The following MAZ variants were observed in gnomAD, a reference collection of about 807,000 sequenced individuals.
The protein encoded by MAZ is MYC associated zinc finger protein, also known as myc-associated zinc finger protein.
A neutral mutation model predicts 32.7 loss-of-function variants in MAZ; 4 were observed. The observed-to-expected ratio is 0.12, with a 90% CI of 0.06 to 0.28. The LOEUF (loss-of-function observed/expected upper bound fraction) is 0.28. MAZ is among the 10% of genes least tolerant of loss of function. The pLI is 1.00. For synonymous variants in MAZ, 510 were observed against 297.6 expected (o/e 1.71, Z -7.35); for missense variants, 763 against 667.2 (o/e 1.14, Z -1.58).
chr16:29,810,344 C>G lies in MAZ; in HGVS notation c.*113C>G. On this transcript the variant is annotated 3_prime_UTR_variant, in exon 5 of 5. Transcript: ENST00000322945. ...TATTTCCCTACCAACCAAGGAGCCT[C>G]CAGAAGGAAAGGAGGAAGAAATGTT... 3 of 1,105,364 alleles carry G rather than the reference C, an allele frequency of 2.7e-6. No homozygotes were observed. The highest frequency in any genetic ancestry group is 4.0e-6 in the Non-Finnish European group (3 of 748,832). 68.5% of individuals were successfully genotyped at this position (1,105,364 alleles called of 1,614,324 possible). A position where few individuals can be genotyped will look rare whatever the true frequency, so the allele number is the denominator to read the frequency against.
At position 29,807,218 on chromosome 16, in the gene MAZ, G is replaced by A. The variant is rs1899553951; in HGVS notation, c.433G>A (p.Ala145Thr). ...PPPPPVSAPA[A>T]EAAPPASAAT... ...ACCCCCGCCAGTGTCGGCGCCCGCG[G>A]CCGAGGCCGCGCCCCCCGCCTCCGC... is the stretch of plus-strand genomic sequence containing the variant. Residue 145 changes from alanine to threonine, a missense_variant, in exon 2 of 5, where the codon GCC becomes ACC. Ala to Thr is a moderately conservative substitution (Grantham distance 58). Coordinates refer to ENST00000322945, the MANE Select transcript of MAZ (RefSeq NM_002383.4). 12 of 1,278,076 alleles carry A rather than the reference G, an allele frequency of 9.4e-6. No homozygotes were observed. The highest frequency in any genetic ancestry group is 1.2e-5 in the Non-Finnish European group (12 of 1,010,310). The allele number at this position is 1,278,076 out of a possible 1,614,324, so 79.2% of individuals were successfully genotyped here.
In MAZ at chr16:29,807,353, T is replaced by C; in HGVS notation, c.568T>C (p.Tyr190His). 1.9e-6 allele frequency: 3 copies of C among 1,612,080 alleles called. No homozygotes were observed. The highest frequency in any genetic ancestry group is 2.5e-6 in the Non-Finnish European group (3 of 1,179,578). Residue 190 changes from tyrosine (Y) to histidine (H), a missense_variant, in exon 2 of 5, where the codon TAC becomes CAC. Physicochemically the swap from Tyr to His is moderately conservative, Grantham distance 83 (BLOSUM62 2). Coordinates refer to ENST00000322945, the MANE Select transcript of MAZ (RefSeq NM_002383.4). ...LEKKTKSKGP[Y>H]ICALCAKEFK... The stretch of plus-strand genomic sequence containing the variant: ...GAAGAAGACAAAGAGCAAGGGGCCC[T>C]ACATCTGCGCTCTGTGCGCCAAGGA...
rs1417191711 is a variant in MAZ at position 29,806,652 on chromosome 16, C to T, written c.-50C>T. 2 of 987,600 alleles carry T rather than the reference C, an allele frequency of 2.0e-6. No homozygotes were observed. Among genetic ancestry groups the T allele is most frequent in the Non-Finnish European group, 2.4e-6 (2 of 829,130 alleles). The allele number at this position is 987,600 out of a possible 1,614,324, so 61.2% of individuals were successfully genotyped here. ...CCCCGAGCCCGGGCCCCGCGCGGCC[C>T]GCGCCCCCGGCCCCCGCTGAGCCCC... On this transcript the variant is annotated 5_prime_UTR_variant, in exon 1 of 5. Coordinates refer to ENST00000322945, the MANE Select transcript of MAZ (RefSeq NM_002383.4).
In MAZ at chr16:29,807,275, G is replaced by A; in HGVS notation, c.490G>A (p.Val164Ile). The change falls in exon 2 of 5, where the codon GTC (valine) becomes ATC (isoleucine). Residue 164 changes from valine to isoleucine, a missense_variant. Val to Ile is a conservative substitution (Grantham distance 29). Transcript: ENST00000322945. ...TATCGCCGCGGCGGCGGCCACCGCC[G>A]TCGTAGCCCCAACCTCGACGGTCGC... ...ATIAAAAATA[V>I]VAPTSTVAVA... 2.0e-6 allele frequency: 3 copies of A among 1,497,220 alleles called. No individual in the cohort carries two copies. The highest frequency in any genetic ancestry group is 1.8e-6 in the Non-Finnish European group (2 of 1,125,682). The allele number at this position is 1,497,220 out of a possible 1,614,324, so 92.7% of individuals were successfully genotyped here. A position where few individuals can be genotyped will look rare whatever the true frequency, so the allele number is the denominator to read the frequency against.
rs775208356 is a variant in MAZ at position 29,808,639 on chromosome 16, C to T, written c.1177C>T (p.Pro393Ser). 6 of 1,613,680 alleles carry T rather than the reference C, an allele frequency of 3.7e-6. No individual in the cohort carries two copies. The highest frequency in any genetic ancestry group is 5.1e-6 in the Non-Finnish European group (6 of 1,179,982). The change falls in exon 4 of 5, where the codon CCA becomes TCA. Residue 393 changes from proline (P) to serine (S), a missense_variant. Physicochemically the swap from Pro to Ser is moderately conservative, Grantham distance 74. Transcript: ENST00000322945. ...AHTVRHEEKV[P>S]CHVCGKMLSS... ...CACAGTACGACACGAGGAGAAAGTGCCATGTCACGTGTGTGGCAAGATGCT... is the reference window on the plus strand; with the variant it reads ...CACAGTACGACACGAGGAGAAAGTGTCATGTCACGTGTGTGGCAAGATGCT...
chr16:29,809,595 G>A, intron 4 of MAZ: 1 of 1,612,386 alleles, frequency 6.2e-7, no homozygotes, highest in South Asian at 1.1e-5. Context: ...ACGGGCTCCA[G>A]GCCCCGCGGG....
chr16:29,807,849 G>A (rs1421264824), intron 2 of MAZ, 21 bp downstream of exon 2: 3 of 1,593,634 alleles, frequency 1.9e-6, no homozygotes, highest in Non-Finnish European at 2.6e-6. Flanking sequence ...GGCCTCGGCC[G>A]CCCGCTAGGC....
Position 29,806,656 on chromosome 16 carries a change from CCCCCGG to C in MAZ, c.-41_-36del. 1 of 991,058 alleles carries C rather than the reference CCCCCGG, an allele frequency of 1.0e-6. No homozygotes were observed. The highest frequency in any genetic ancestry group is 1.2e-6 in the Non-Finnish European group (1 of 829,914). 61.4% of individuals were successfully genotyped at this position (991,058 alleles called of 1,614,324 possible). ...GAGCCCGGGCCCCGCGCGGCCCGCG[CCCCCGG>C]CCCCCGCTGAGCCCCGGGGGCCCCG... is the stretch of plus-strand genomic sequence containing the variant. On this transcript the variant is annotated 5_prime_UTR_variant, in exon 1 of 5. Coordinates refer to ENST00000322945, the MANE Select transcript of MAZ (RefSeq NM_002383.4).
chr16:29,808,361 G>C, intron 3 of MAZ, 68 bp downstream of exon 3: 2 of 1,458,718 alleles, frequency 1.4e-6, no homozygotes, highest in Non-Finnish European at 1.9e-6. Context: ...GTCTGAGTCA[G>C]TCTCTCAGAC....
chr16:29,808,193 C>T (rs1899657002), intron 2 of MAZ, 37 bp from the exon 3 acceptor site: 3 of 1,578,292 alleles, frequency 1.9e-6, no homozygotes, highest in South Asian at 1.1e-5. Context: ...TGGGGCGCAC[C>T]ACCTCCGCCC....
Position 29,810,117 on chromosome 16 carries a change from G to A in MAZ, c.1320G>A (p.Ala440=), listed in dbSNP as rs199924629. The A allele has an allele frequency of 9.7e-5, 152 of 1,570,016 alleles. No homozygotes were observed. Among genetic ancestry groups the A allele is most frequent in the East Asian group, 5.2e-4 (23 of 44,140 alleles). ...EVCPMAAAAA[A]AAAAAAAAVA... ...GTCCAATGGCGGCGGCAGCGGCAGC[G>A]GCGGCAGCGGCAGCAGCGGCAGCAG... Residue 440 remains alanine, a synonymous_variant, in exon 5 of 5, where the codon GCG becomes GCA. Coordinates refer to ENST00000322945, the MANE Select transcript of MAZ (RefSeq NM_002383.4).
chr16:29,808,769 CA>C lies in MAZ; in HGVS notation c.1279+29del, dbSNP rs530614380. 2.7e-4 allele frequency: 437 copies of C among 1,609,302 alleles called. No homozygotes were observed. In the African/African-American group the frequency reaches 5.1e-3, roughly 19 times the overall value. On this transcript the variant is annotated intron_variant, in intron 4 of 4. Transcript: ENST00000322945. ...ACATGCCGAGGGCTGCCGGGAGGGC[CA>C]GGGGCAGAGGGTGGGCGCCTGGCCA...
chr16:29,808,543 C>T lies in MAZ; in HGVS notation c.1108-27C>T, dbSNP rs185121901. 1.1e-4 allele frequency: 171 copies of T among 1,542,050 alleles called. No individual in the cohort carries two copies. The African/African-American group carries it at 2.0e-3, about 18-fold the overall frequency. On this transcript the variant is annotated intron_variant, in intron 3 of 4. Transcript: ENST00000322945. ...ACCAAGCTTTAACTCTCCTGTGACA[C>T]CCCCCACGCCCCTCCCCCCTCCTCA...
At chr16:29,809,071 A>G (rs1899744185) in intron 4 of MAZ, 4 of 527,850 alleles carry the variant, frequency 7.6e-6, no homozygotes, top group Admixed American at 3.7e-5. Context: ...CGCAGCCACA[A>G]GGTCTTGTCT....
intron 1 of MAZ, 31 bp downstream of exon 1, chr16:29,806,924 T>TG (rs753325046): frequency 3.4e-4 from 423 of 1,242,664 alleles, no homozygotes; most frequent in East Asian, 7.7e-4. Flanking sequence ...CGGCCCGGGC[T>TG]GGGGGGGGAC....
chr16:29,807,881 C>T lies in MAZ; in HGVS notation c.1043+53C>T, dbSNP rs1223464495. The T allele has an allele frequency of 4.4e-6, 7 of 1,578,812 alleles. No individual in the cohort carries two copies. In the South Asian group the frequency reaches 4.5e-5, roughly 10 times the overall value. On this transcript the variant is annotated intron_variant, in intron 2 of 4. Transcript: ENST00000322945. ...AGGCCGTGGGGAGGGAGGGACGCGACGGAGGTGGCCTGGCCGTGGCTGGCG... is the reference window on the plus strand; with the variant it reads ...AGGCCGTGGGGAGGGAGGGACGCGATGGAGGTGGCCTGGCCGTGGCTGGCG...
Position 29,806,896 on chromosome 16 carries a change from GAGT to G in MAZ, c.192+6_192+8del, listed in dbSNP as rs760281541. On this transcript the variant is annotated splice_donor_5th_base_variant and intron_variant, in intron 1 of 4. Transcript: ENST00000322945. Reference sequence around the variant, plus strand: ...GCTGCGCCCAGAGTCCATTCCAGGTGAGTAGGGCCGGCCGCGGCGGCCCGGGCT... The same window carrying G: ...GCTGCGCCCAGAGTCCATTCCAGGTGAGGGCCGGCCGCGGCGGCCCGGGCT... The G allele has an allele frequency of 7.4e-7, 1 of 1,349,774 alleles. No homozygotes were observed. Among genetic ancestry groups the G allele is most frequent in the Admixed American group, 3.1e-5 (1 of 32,094 alleles). 83.6% of individuals were successfully genotyped at this position (1,349,774 alleles called of 1,614,324 possible). A position where few individuals can be genotyped will look rare whatever the true frequency, so the allele number is the denominator to read the frequency against.
At chr16:29,806,176 T>A, upstream of MAZ, 2 of 1,059,584 alleles carry the variant, frequency 1.9e-6, no homozygotes, top group Non-Finnish European at 2.5e-6. Flanking sequence ...AGCTTCATCT[T>A]CCAGGTAACA....
intron 4 of MAZ, chr16:29,809,679 C>A (rs775117702): frequency 8.4e-6 from 13 of 1,551,178 alleles, no homozygotes; most frequent in Non-Finnish European, 1.0e-5. Context: ...ACATGCAGAC[C>A]CATCTGGGGG....
Sources: gnomAD v4.1 joint callset for allele counts on GRCh38, gnomAD v4.1.1 for gene constraint, MANE v1.5 for transcripts, NCBI Gene and HGNC (gene_info 2026-07-23, HGNC 2026-07-21) for gene names.